The following PHF14 variants were observed in gnomAD, a reference collection of about 807,000 sequenced individuals.
PHF14 encodes the protein PHD finger protein 14.
A neutral mutation model predicts 117.9 loss-of-function variants in PHF14; 55 were observed. That is an observed-to-expected ratio of 0.47 (90% CI 0.38 to 0.58). The LOEUF is 0.58. Ranked by LOEUF, PHF14 falls within the 20% of genes least tolerant of loss-of-function variation. PHF14 has a pLI of 0.00. For synonymous variants in PHF14, 409 were observed against 368.6 expected (o/e 1.11, Z -1.26); for missense variants, 978 against 1,122.2 (o/e 0.87, Z 1.84).
intron 14 of PHF14, among the ~76,000 whole-genome samples, chr7:11,056,224 C>G (rs929050863): frequency 6.6e-6 from 1 of 152,162 alleles, no homozygotes; most frequent in Non-Finnish European, 1.5e-5. Context: ...TGCTTTTTGC[C>G]TCTTGGAAAT....
chr7:11,094,566 T>G (rs1332828906), intron 16 of PHF14, among the ~76,000 whole-genome samples: 1 of 152,168 alleles, frequency 6.6e-6, no homozygotes, highest in Non-Finnish European at 1.5e-5. Context: ...AGATAACATA[T>G]TCACAGATTC....
intron 10 of PHF14, among the ~76,000 whole-genome samples, chr7:11,038,482 A>G (rs1784386135): frequency 6.6e-6 from 1 of 151,202 alleles, no homozygotes; most frequent in Non-Finnish European, 1.5e-5. Context: ...ACATGGTGAA[A>G]CCCTGTCTCT....
At chr7:11,077,227 C>T (rs938933005) in intron 16 of PHF14, among the ~76,000 whole-genome samples, 1 of 151,580 alleles carries the variant, frequency 6.6e-6, no homozygotes, top group Non-Finnish European at 1.5e-5. Context: ...ATTGAAGAAA[C>T]CTCTGAATAT....
chr7:11,018,506 A>G (rs990227469), intron 5 of PHF14, among the ~76,000 whole-genome samples: 2 of 152,054 alleles, frequency 1.3e-5, no homozygotes, highest in Admixed American at 6.6e-5. Flanking sequence ...ATGTGTGGCT[A>G]TTGTAAATGC....
chr7:11,040,398 G>T (rs921318592), intron 11 of PHF14, among the ~76,000 whole-genome samples: 1 of 151,938 alleles, frequency 6.6e-6, no homozygotes, highest in Non-Finnish European at 1.5e-5. Context: ...TCCTACGTAT[G>T]TGTCTTTGTC....
At chr7:11,102,513 A>T in intron 16 of PHF14, 1 of 1,610,638 alleles carries the variant, frequency 6.2e-7, no homozygotes, top group Admixed American at 1.7e-5. Flanking sequence ...CAACTCTGCC[A>T]CAGCTCATCC....
At chr7:11,101,840 TTTAC>T (rs1787105228) in intron 16 of PHF14, among the ~76,000 whole-genome samples, 1 of 151,836 alleles carries the variant, frequency 6.6e-6, no homozygotes, top group Non-Finnish European at 1.5e-5. Flanking sequence ...ACTTTTTATG[TTTAC>T]CCCAGTCAAA....
At chr7:11,159,649 A>G (rs1042227361) in intron 17 of PHF14, among the ~76,000 whole-genome samples, 2 of 152,152 alleles carry the variant, frequency 1.3e-5, no homozygotes, top group African/African-American at 4.8e-5. Flanking sequence ...AGATTACACT[A>G]CAGCTTTGCA....
chr7:11,166,037 G>A (rs1390371921), intron 17 of PHF14, among the ~76,000 whole-genome samples: 1 of 152,126 alleles, frequency 6.6e-6, no homozygotes, highest in Non-Finnish European at 1.5e-5. Flanking sequence ...TGATATTACA[G>A]GTGTTACTGT....
intron 6 of PHF14, among the ~76,000 whole-genome samples, chr7:11,027,330 T>C (rs1783956009): frequency 6.6e-6 from 1 of 152,188 alleles, no homozygotes; most frequent in African/African-American, 2.4e-5. Context: ...CAGTAGGATG[T>C]CAGGATTTGA....
intron 17 of PHF14, among the ~76,000 whole-genome samples, chr7:11,141,046 TTC>T (rs1788383852): frequency 6.6e-6 from 1 of 152,138 alleles, no homozygotes; most frequent in Non-Finnish European, 1.5e-5. Context: ...GAATATCTAC[TTC>T]TCCACTTAGC....
At chr7:11,143,260 A>G (rs1379980766) in intron 17 of PHF14, among the ~76,000 whole-genome samples, 1 of 152,116 alleles carries the variant, frequency 6.6e-6, no homozygotes, top group Non-Finnish European at 1.5e-5. Flanking sequence ...TTTAGCATAA[A>G]TGTTTTCTAT....
intron 16 of PHF14, chr7:11,104,268 C>G: frequency 1.0e-6 from 1 of 984,530 alleles, no homozygotes; most frequent in Non-Finnish European, 1.2e-6. Flanking sequence ...TGGTGCTAGT[C>G]CTAAGAATCT....
Position 11,023,017 on chromosome 7 carries a change from AG to A in PHF14, c.1317+40del, listed in dbSNP as rs765373525. On this transcript the variant is annotated intron_variant, in intron 6 of 17. Transcript: ENST00000634607. ...GCATTTTTGATTGCTTGAAAGAGAA[AG>A]GTTTTACTTGTTAGTTTACCTGGCT... The A allele has an allele frequency of 1.3e-4, 146 of 1,158,074 alleles. 1 individual carries two copies. The highest frequency in any genetic ancestry group is 1.7e-4 in the Non-Finnish European group (137 of 792,522). 71.7% of individuals were successfully genotyped at this position (1,158,074 alleles called of 1,614,324 possible). A position where few individuals can be genotyped will look rare whatever the true frequency, so the allele number is the denominator to read the frequency against.
chr7:10,987,512 C>T (rs1367034397), intron 3 of PHF14, among the ~76,000 whole-genome samples: 1 of 151,860 alleles, frequency 6.6e-6, no homozygotes, highest in Non-Finnish European at 1.5e-5. Flanking sequence ...AGTTTTAAAT[C>T]CTGATGGAAA....
At chr7:11,159,874 A>G (rs748299847) in intron 17 of PHF14, among the ~76,000 whole-genome samples, 2 of 152,214 alleles carry the variant, frequency 1.3e-5, no homozygotes, top group Non-Finnish European at 1.5e-5. Context: ...TAAAAAGGGA[A>G]TGAGAAGCAA....
chr7:11,082,794 G>C (rs1263781383), intron 16 of PHF14, among the ~76,000 whole-genome samples: 1 of 152,096 alleles, frequency 6.6e-6, no homozygotes, highest in Admixed American at 6.5e-5. Flanking sequence ...TAGAATTTTG[G>C]TTTCATTTTT....
At chr7:11,018,798 G>A (rs1783621256) in intron 5 of PHF14, among the ~76,000 whole-genome samples, 1 of 152,172 alleles carries the variant, frequency 6.6e-6, no homozygotes, top group Non-Finnish European at 1.5e-5. Context: ...AGTGGTGACA[G>A]TGGGCCTGCT....
At chr7:10,986,547 G>C (rs2128308930) in intron 3 of PHF14, among the ~76,000 whole-genome samples, 1 of 152,310 alleles carries the variant, frequency 6.6e-6, no homozygotes, top group East Asian at 1.9e-4. Flanking sequence ...GAGAACTGCT[G>C]CTCTAGAACT....
Sources: allele counts gnomAD v4.1 joint callset (sites outside exome capture counted in the v4.1 genomes callset), GRCh38; gene constraint gnomAD v4.1.1; transcripts MANE v1.5; gene names NCBI Gene and HGNC (gene_info 2026-07-23, HGNC 2026-07-21).